The following NDUFAF2 variants were observed in gnomAD, a reference collection of about 807,000 sequenced individuals.
The protein encoded by NDUFAF2 is NADH dehydrogenase [ubiquinone] 1 alpha subcomplex assembly factor 2.
Under a neutral mutation model 22.8 loss-of-function variants are expected in NDUFAF2, and 13 were observed. That is an observed-to-expected ratio of 0.57 (90% CI 0.37 to 0.91). The LOEUF (loss-of-function observed/expected upper bound fraction) is 0.91. NDUFAF2 is among the 40% of genes least tolerant of loss of function. NDUFAF2 has a pLI of 0.01. For synonymous variants in NDUFAF2, 53 were observed against 64.2 expected (o/e 0.83, Z 0.84); for missense variants, 162 against 195.2 (o/e 0.83, Z 1.01).
intron 1 of NDUFAF2, among the ~76,000 whole-genome samples, chr5:60,969,412 G>C (rs1750799039): frequency 6.6e-6 from 1 of 152,106 alleles, no homozygotes; most frequent in Non-Finnish European, 1.5e-5. Context: ...ATTTTAACCA[G>C]AGTGAGATGA....
intron 2 of NDUFAF2, among the ~76,000 whole-genome samples, chr5:61,082,637 C>T (rs545817480): frequency 2.6e-4 from 39 of 152,230 alleles, no homozygotes; most frequent in Admixed American, 7.9e-4. Flanking sequence ...TTTTCTGTTT[C>T]TGCATTAATT....
At chr5:61,005,238 T>G (rs1751350854) in intron 1 of NDUFAF2, among the ~76,000 whole-genome samples, 1 of 152,206 alleles carries the variant, frequency 6.6e-6, no homozygotes. Context: ...GTTTCTAGCT[T>G]CATCCATGTC....
At chr5:61,037,544 G>T (rs1252729240) in intron 1 of NDUFAF2, among the ~76,000 whole-genome samples, 1 of 152,154 alleles carries the variant, frequency 6.6e-6, no homozygotes, top group African/African-American at 2.4e-5. Flanking sequence ...AAAGTGTTCT[G>T]CAATGAAATA....
chr5:61,137,064 T>TC (rs1740972969), intron 3 of NDUFAF2, among the ~76,000 whole-genome samples: 1 of 152,220 alleles, frequency 6.6e-6, no homozygotes, highest in Non-Finnish European at 1.5e-5. Flanking sequence ...GTTTTTATTA[T>TC]CCCCTCACTT....
At chr5:60,949,846 A>G (rs1388196609) in intron 1 of NDUFAF2, among the ~76,000 whole-genome samples, 1 of 152,212 alleles carries the variant, frequency 6.6e-6, no homozygotes, top group Non-Finnish European at 1.5e-5. Context: ...TATTGTTATT[A>G]TAAATGATGC....
intron 1 of NDUFAF2, among the ~76,000 whole-genome samples, chr5:61,017,152 A>G (rs1751522231): frequency 6.6e-6 from 1 of 152,200 alleles, no homozygotes; most frequent in Non-Finnish European, 1.5e-5. Context: ...AACAGCTTAC[A>G]ATAGGTAGTA....
At chr5:61,042,380 C>A (rs560460418) in intron 1 of NDUFAF2, among the ~76,000 whole-genome samples, 72 of 151,862 alleles carry the variant, frequency 4.7e-4, no homozygotes, top group African/African-American at 1.7e-3. Context: ...AAGTACAGAA[C>A]AATTTGTAGA....
intron 1 of NDUFAF2, among the ~76,000 whole-genome samples, chr5:60,977,899 C>A (rs988925683): frequency 6.6e-6 from 1 of 151,192 alleles, no homozygotes; most frequent in African/African-American, 2.4e-5. Flanking sequence ...TCTGGGAACA[C>A]CAGATTGAAC....
At chr5:61,048,448 C>T (rs778271763) in intron 1 of NDUFAF2, among the ~76,000 whole-genome samples, 1 of 152,022 alleles carries the variant, frequency 6.6e-6, no homozygotes, top group Admixed American at 6.6e-5. Flanking sequence ...ATTTCAAAGG[C>T]ATATATGGTT....
At chr5:60,993,208 C>A (rs762811278) in intron 1 of NDUFAF2, among the ~76,000 whole-genome samples, 1 of 152,234 alleles carries the variant, frequency 6.6e-6, no homozygotes, top group Non-Finnish European at 1.5e-5. Context: ...TGCAGCTAGA[C>A]CACACTGCAG....
chr5:61,051,981 A>T (rs1294302961), intron 1 of NDUFAF2, among the ~76,000 whole-genome samples: 5 of 152,172 alleles, frequency 3.3e-5, no homozygotes, highest in Non-Finnish European at 5.9e-5. Context: ...TCAAACAACT[A>T]CTTAGAGAAG....
At chr5:60,957,138 C>T (rs969477788) in intron 1 of NDUFAF2, among the ~76,000 whole-genome samples, 2 of 144,756 alleles carry the variant, frequency 1.4e-5, no homozygotes, top group African/African-American at 4.9e-5. Context: ...TTGAGAATCA[C>T]TGTTTTATTT....
intron 1 of NDUFAF2, among the ~76,000 whole-genome samples, chr5:60,991,088 T>C (rs1313237696): frequency 6.6e-6 from 1 of 152,216 alleles, no homozygotes; most frequent in Non-Finnish European, 1.5e-5. Context: ...TTGAAAATTT[T>C]CTTAATGCCA....
intron 3 of NDUFAF2, among the ~76,000 whole-genome samples, chr5:61,152,467 T>G (rs1300862996): frequency 6.6e-6 from 1 of 152,186 alleles, no homozygotes; most frequent in Non-Finnish European, 1.5e-5. Flanking sequence ...ATATTTCTAC[T>G]GTGGGGTGCT....
At chr5:61,121,375 T>G (rs909892401) in intron 3 of NDUFAF2, among the ~76,000 whole-genome samples, 1 of 152,140 alleles carries the variant, frequency 6.6e-6, no homozygotes, top group Non-Finnish European at 1.5e-5. Flanking sequence ...TGTAATACAT[T>G]TGGGGCTGGG....
chr5:61,043,375 C>A (rs1751906662), intron 1 of NDUFAF2, among the ~76,000 whole-genome samples: 1 of 151,994 alleles, frequency 6.6e-6, no homozygotes, highest in South Asian at 2.1e-4. Flanking sequence ...AAAGTACATC[C>A]CCAAGAGTGA....
chr5:61,140,782 T>C (rs1741040888), intron 3 of NDUFAF2, among the ~76,000 whole-genome samples: 1 of 152,232 alleles, frequency 6.6e-6, no homozygotes, highest in Non-Finnish European at 1.5e-5. Context: ...GTGTCCTGAA[T>C]TTGCTTTGCT....
intron 1 of NDUFAF2, among the ~76,000 whole-genome samples, chr5:61,008,800 G>C (rs1751406595): frequency 6.6e-6 from 1 of 151,934 alleles, no homozygotes; most frequent in Non-Finnish European, 1.5e-5. Context: ...CTCTTCCATA[G>C]AGGCAGATCA....
At chr5:61,151,026 A>G (rs1741230424) in intron 3 of NDUFAF2, among the ~76,000 whole-genome samples, 1 of 152,214 alleles carries the variant, frequency 6.6e-6, no homozygotes, top group African/African-American at 2.4e-5. Context: ...TTACAAGAAT[A>G]TTTATAAATA....
Sources: allele counts gnomAD v4.1 joint callset (sites outside exome capture counted in the v4.1 genomes callset), GRCh38; gene constraint gnomAD v4.1.1; transcripts MANE v1.5; gene names NCBI Gene and HGNC (gene_info 2026-07-23, HGNC 2026-07-21).